The following STXBP5L variants were observed in gnomAD, a reference collection of about 807,000 sequenced individuals.
The protein encoded by STXBP5L is syntaxin-binding protein 5-like.
STXBP5L carries 65 observed loss-of-function variants against 144.5 expected under a neutral mutation model. That is an observed-to-expected ratio of 0.45 (90% CI 0.37 to 0.55). The LOEUF (loss-of-function observed/expected upper bound fraction) is 0.55, where lower values mean the gene tolerates loss of function less well. Among genes scored for constraint, STXBP5L ranks in the 20% least tolerant of loss-of-function variants. The pLI is 0.00. For synonymous variants in STXBP5L, 505 were observed against 469.6 expected (o/e 1.08, Z -0.97); for missense variants, 1,298 against 1,405.5 (o/e 0.92, Z 1.22).
chr3:121,347,627 A>G (rs1415645398), intron 20 of STXBP5L, among the ~76,000 whole-genome samples: 1 of 151,900 alleles, frequency 6.6e-6, no homozygotes, highest in Non-Finnish European at 1.5e-5. Context: ...ATCCTCTTTT[A>G]TTTTCTTGAG....
At chr3:121,035,029 G>A (rs1025946508) in intron 3 of STXBP5L, among the ~76,000 whole-genome samples, 1 of 152,080 alleles carries the variant, frequency 6.6e-6, no homozygotes, top group Non-Finnish European at 1.5e-5. Flanking sequence ...TGGAAAAAAT[G>A]CCTGTTCATG....
At chr3:121,063,417 T>A (rs1333151295) in intron 5 of STXBP5L, among the ~76,000 whole-genome samples, 1 of 152,164 alleles carries the variant, frequency 6.6e-6, no homozygotes, top group African/African-American at 2.4e-5. Context: ...AGCTCTCCTG[T>A]ATGAGGTATC....
intron 3 of STXBP5L, among the ~76,000 whole-genome samples, chr3:121,028,709 C>A (rs1003531031): frequency 3.0e-4 from 46 of 151,908 alleles, no homozygotes; most frequent in Non-Finnish European, 4.9e-4. Context: ...TAAAAGAAAA[C>A]CTACCAATAA....
At chr3:121,040,859 T>C (rs771312288) in intron 3 of STXBP5L, among the ~76,000 whole-genome samples, 6 of 152,148 alleles carry the variant, frequency 3.9e-5, no homozygotes, top group Non-Finnish European at 8.8e-5. Context: ...TAAAATTTGT[T>C]ACATACATTT....
At chr3:121,050,966 C>G (rs961099286) in intron 5 of STXBP5L, among the ~76,000 whole-genome samples, 1 of 151,972 alleles carries the variant, frequency 6.6e-6, no homozygotes, top group Non-Finnish European at 1.5e-5. Flanking sequence ...TTTAAACCAA[C>G]AAAGATCAAA....
intron 9 of STXBP5L, among the ~76,000 whole-genome samples, chr3:121,190,857 A>C (rs2047641226): frequency 6.6e-6 from 1 of 151,928 alleles, no homozygotes; most frequent in Admixed American, 6.5e-5. Context: ...CTCACCTCCC[A>C]GACGGGGTGG....
intron 22 of STXBP5L, among the ~76,000 whole-genome samples, chr3:121,383,958 A>T (rs1330316695): frequency 6.6e-6 from 1 of 152,170 alleles, no homozygotes; most frequent in East Asian, 1.9e-4. Flanking sequence ...TCAGTGCTGA[A>T]GTGAGTGACA....
chr3:121,098,153 G>A (rs991550954), intron 5 of STXBP5L, among the ~76,000 whole-genome samples: 1 of 152,100 alleles, frequency 6.6e-6, no homozygotes, highest in African/African-American at 2.4e-5. Context: ...ATGTTTTTTA[G>A]AGTTGGTTTG....
intron 5 of STXBP5L, among the ~76,000 whole-genome samples, chr3:121,111,954 C>A (rs1025169867): frequency 2.0e-5 from 3 of 152,070 alleles, no homozygotes; most frequent in Admixed American, 6.5e-5. Context: ...AGAGAGGCCC[C>A]CATCCAGTGA....
chr3:121,153,735 AAAT>A (rs2046015519), intron 8 of STXBP5L, among the ~76,000 whole-genome samples: 2 of 151,968 alleles, frequency 1.3e-5, no homozygotes, highest in African/African-American at 2.4e-5. Flanking sequence ...TTTAGAAATA[AAAT>A]AAAATGGCAG....
At position 121,381,269 on chromosome 3, in the gene STXBP5L, GTTTTTT is replaced by G. The variant is rs35624942; in HGVS notation, c.2348-20_2348-15del. On this transcript the variant is annotated intron_variant, in intron 21 of 26. Coordinates refer to ENST00000471454, the MANE Select transcript of STXBP5L (RefSeq NM_001308330.2). ...TGGAAATATACTAACAATTTGTGTGGTTTTTTTTTATTTATTTCCATAGAAAACCGA... is the reference window on the plus strand; with the variant it reads ...TGGAAATATACTAACAATTTGTGTGGTTTATTTATTTCCATAGAAAACCGA... The G allele has an allele frequency of 6.5e-7, 1 of 1,546,082 alleles. No individual in the cohort carries two copies. The highest frequency in any genetic ancestry group is 1.4e-5 in the African/African-American group (1 of 71,508).
chr3:121,054,574 C>T (rs1948304057), intron 5 of STXBP5L, among the ~76,000 whole-genome samples: 1 of 121,202 alleles, frequency 8.3e-6, no homozygotes, highest in South Asian at 2.7e-4. Flanking sequence ...GAACATCACA[C>T]TCCAGGGCCT....
At chr3:121,099,589 C>T (rs190316680) in intron 5 of STXBP5L, 1 of 153,180 alleles carries the variant, frequency 6.5e-6, no homozygotes, top group Non-Finnish European at 1.5e-5. Context: ...AGAGGGAACA[C>T]TTCTGAGTGT....
intron 3 of STXBP5L, among the ~76,000 whole-genome samples, chr3:121,011,097 C>T (rs191926952): frequency 2.1e-4 from 32 of 149,878 alleles, no homozygotes; most frequent in African/African-American, 7.8e-4. Flanking sequence ...AGTTTCAGGA[C>T]TGCTTTCTTT....
rs936763290 is a variant in STXBP5L, at chr3:120,924,904, G to A, written c.189+15137G>A. 2.0e-5 allele frequency: 3 copies of A among 152,290 alleles called. No homozygotes were observed. In the East Asian group the frequency reaches 5.8e-4, roughly 29 times the overall value. 9.4% of individuals were successfully genotyped at this position (152,290 alleles called of 1,614,324 possible). On this transcript the variant is annotated intron_variant, in intron 2 of 26. Transcript: ENST00000471454. ...TTTTTGTATTTTTAGTAGAAACGGGGTTTCACCGTGTTAGCCAGGATGGTC... is the reference window on the plus strand; with the variant it reads ...TTTTTGTATTTTTAGTAGAAACGGGATTTCACCGTGTTAGCCAGGATGGTC...
chr3:121,389,067 A>C (rs1409859566), intron 22 of STXBP5L, among the ~76,000 whole-genome samples: 2 of 152,082 alleles, frequency 1.3e-5, no homozygotes, highest in Admixed American at 1.3e-4. Flanking sequence ...TCAATCTCAG[A>C]GCCTGTTATT....
In STXBP5L at chr3:121,422,493, A is replaced by G. The variant is rs1179003458; in HGVS notation, c.*3396A>G. 6.6e-6 allele frequency: 1 copy of G among 152,194 alleles called. No homozygotes were observed. The highest frequency in any genetic ancestry group is 2.4e-5 in the African/African-American group (1 of 41,450). The allele number at this position is 152,194 out of a possible 1,614,324, so 9.4% of individuals were successfully genotyped here. ...TGTTTCCCTGATAATAACGTGAGCA[A>G]TAGTCCCTACCTTGAAATCATCCAT... On this transcript the variant is annotated 3_prime_UTR_variant, in exon 27 of 27. Transcript: ENST00000471454.
At chr3:120,927,947 T>C (rs1709724589) in intron 2 of STXBP5L, among the ~76,000 whole-genome samples, 1 of 152,154 alleles carries the variant, frequency 6.6e-6, no homozygotes, top group Non-Finnish European at 1.5e-5. Context: ...TTTTATTCTG[T>C]GAAGAGCTAT....
intron 2 of STXBP5L, among the ~76,000 whole-genome samples, chr3:120,918,640 G>T (rs1230590644): frequency 6.6e-6 from 1 of 152,152 alleles, no homozygotes; most frequent in East Asian, 1.9e-4. Flanking sequence ...TCATAGTGAA[G>T]AAAATTAACA....
Sources: allele counts gnomAD v4.1 joint callset (sites outside exome capture counted in the v4.1 genomes callset), GRCh38; gene constraint gnomAD v4.1.1; transcripts MANE v1.5; gene names NCBI Gene and HGNC (gene_info 2026-07-23, HGNC 2026-07-21).